MND1: variants seen among roughly 807,000 people sequenced by gnomAD.
MND1 encodes meiotic nuclear divisions 1, also known as meiotic nuclear division protein 1 homolog.
A neutral mutation model predicts 35.1 loss-of-function variants in MND1; 28 were observed. The ratio of observed to expected loss-of-function variants is 0.80; its 90% CI spans 0.59 to 1.09. The LOEUF (loss-of-function observed/expected upper bound fraction) is 1.09. Among genes scored for constraint, MND1 ranks in the 50% least tolerant of loss-of-function variants. The pLI, the probability that MND1 is intolerant of heterozygous loss-of-function variation, is 0.00. For synonymous variants in MND1, 69 were observed against 70.5 expected, an observed-to-expected ratio of 0.98 and a Z score of 0.11; for missense variants, 213 against 239.6, an observed-to-expected ratio of 0.89 and a Z score of 0.73.
At chr4:153,380,069 T>C (rs1432826753) in intron 4 of MND1, among the ~76,000 whole-genome samples, 1 of 17,516 alleles carries the variant, frequency 5.7e-5, no homozygotes, top group Non-Finnish European at 9.7e-5. Context: ...ATAAAGAAAA[T>C]TAAATGGTCT....
chr4:153,347,769 C>T (rs950912317), intron 1 of MND1, among the ~76,000 whole-genome samples: 1 of 151,922 alleles, frequency 6.6e-6, no homozygotes, highest in African/African-American at 2.4e-5. Context: ...GGTGGAGGAA[C>T]ATTTTTTTTA....
intron 7 of MND1, among the ~76,000 whole-genome samples, chr4:153,411,922 G>T (rs896836209): frequency 7.2e-5 from 11 of 152,204 alleles, no homozygotes; most frequent in Non-Finnish European, 5.9e-5. Flanking sequence ...TGTAATACCT[G>T]CAGTGCACCT....
At chr4:153,397,086 T>TCA in intron 5 of MND1, 133 bp from the exon 6 acceptor site, 2 of 572,262 alleles carry the variant, frequency 3.5e-6, no homozygotes, top group Middle Eastern at 3.0e-4. Flanking sequence ...GTGTGTATAC[T>TCA]TATATATATA....
intron 4 of MND1, among the ~76,000 whole-genome samples, chr4:153,363,214 C>CTT (rs56951052): frequency 7.1e-6 from 1 of 141,026 alleles, no homozygotes; most frequent in Non-Finnish European, 1.5e-5. Context: ...GGGGATAGTT[C>CTT]TTTTTTTTTT....
intron 7 of MND1, among the ~76,000 whole-genome samples, chr4:153,412,346 A>C (rs1404200925): frequency 2.0e-5 from 3 of 152,164 alleles, no homozygotes; most frequent in Non-Finnish European, 4.4e-5. Flanking sequence ...GGGTGGCTTA[A>C]ACAACAGAAA....
At chr4:153,408,623 G>A (rs1179501920) in intron 6 of MND1, among the ~76,000 whole-genome samples, 1 of 151,742 alleles carries the variant, frequency 6.6e-6, no homozygotes, top group African/African-American at 2.4e-5. Flanking sequence ...ATTTTGGTAT[G>A]GTGAGTTGTT....
At chr4:153,376,303 A>T (rs1248747926) in intron 4 of MND1, among the ~76,000 whole-genome samples, 1 of 152,058 alleles carries the variant, frequency 6.6e-6, no homozygotes, top group East Asian at 1.9e-4. Context: ...GGGTGTGTGC[A>T]CACACACACT....
At chr4:153,409,132 T>G (rs1034120221) in intron 7 of MND1, 117 bp downstream of exon 7, 14 of 405,702 alleles carry the variant, frequency 3.5e-5, no homozygotes, top group Non-Finnish European at 5.1e-5. Flanking sequence ...ATGAAAAATG[T>G]ATGCATTACT....
intron 4 of MND1, among the ~76,000 whole-genome samples, chr4:153,365,831 G>A (rs934173974): frequency 1.3e-5 from 2 of 152,306 alleles, no homozygotes; most frequent in Middle Eastern, 3.4e-3. Flanking sequence ...GATTCTGGAC[G>A]TAGTTTGAAA....
At chr4:153,378,923 G>A (rs1728584305) in intron 4 of MND1, among the ~76,000 whole-genome samples, 1 of 152,118 alleles carries the variant, frequency 6.6e-6, no homozygotes. Flanking sequence ...TTAAACATCT[G>A]TTCTCTCCAC....
At chr4:153,361,578 G>A (rs532069084) in intron 4 of MND1, 25 of 455,522 alleles carry the variant, frequency 5.5e-5, no homozygotes, top group South Asian at 3.7e-4. Flanking sequence ...AGTGGCTCAC[G>A]CCTGTAATCC....
At chr4:153,358,664 G>A (rs755237087) in intron 4 of MND1, 42 bp downstream of exon 4, 16 of 1,567,048 alleles carry the variant, frequency 1.0e-5, no homozygotes, top group South Asian at 3.7e-5. Flanking sequence ...GCTTTATAAC[G>A]GAGAGTTGTT....
chr4:153,359,422 T>A (rs1773423751), intron 4 of MND1, among the ~76,000 whole-genome samples: 1 of 152,238 alleles, frequency 6.6e-6, no homozygotes, highest in Non-Finnish European at 1.5e-5. Context: ...CACAGTTTGT[T>A]TATCCATTGA....
At chr4:153,364,518 GAAAA>G (rs70963167) in intron 4 of MND1, among the ~76,000 whole-genome samples, 9 of 141,354 alleles carry the variant, frequency 6.4e-5, no homozygotes, top group Non-Finnish European at 1.2e-4. Context: ...CCCTGTTTAA[GAAAA>G]AAAAAAAAAA....
chr4:153,398,681 G>A (rs1398990028), intron 6 of MND1, among the ~76,000 whole-genome samples: 2 of 152,170 alleles, frequency 1.3e-5, no homozygotes, highest in Non-Finnish European at 2.9e-5. Context: ...TTAAGTATTT[G>A]GGGAGAATGT....
At chr4:153,394,865 A>G (rs1321930647) in intron 5 of MND1, among the ~76,000 whole-genome samples, 1 of 152,192 alleles carries the variant, frequency 6.6e-6, no homozygotes, top group Non-Finnish European at 1.5e-5. Context: ...TTTTTAAAGT[A>G]CAATATTTTT....
intron 4 of MND1, chr4:153,381,690 A>AT (rs1561068593): frequency 8.0e-4 from 22 of 27,468 alleles, no homozygotes; most frequent in Non-Finnish European, 1.1e-3. Context: ...ATATATATAT[A>AT]TATTTTTTTT....
At chr4:153,370,376 A>C (rs1422121062) in intron 4 of MND1, among the ~76,000 whole-genome samples, 1 of 151,996 alleles carries the variant, frequency 6.6e-6, no homozygotes, top group East Asian at 1.9e-4. Flanking sequence ...TCTCATTCTT[A>C]TTCTTGCCAT....
At chr4:153,375,251 A>C (rs1579921061) in intron 4 of MND1, among the ~76,000 whole-genome samples, 1 of 152,166 alleles carries the variant, frequency 6.6e-6, no homozygotes, top group Non-Finnish European at 1.5e-5. Context: ...AACAGAAGGA[A>C]TATTTATTGA....
Sources: gnomAD v4.1 joint callset for allele counts (sites outside exome capture counted in the v4.1 genomes callset) on GRCh38, gnomAD v4.1.1 for gene constraint, MANE v1.5 for transcripts, NCBI Gene and HGNC (gene_info 2026-07-23, HGNC 2026-07-21) for gene names.